Variants in ERC2 observed in about 807,000 individuals in gnomAD.
ERC2 encodes the protein ERC protein 2.
In ERC2, 42 loss-of-function variants were observed where a neutral mutation model predicts 114.8. That is an observed-to-expected ratio of 0.37 (90% CI 0.29 to 0.47). ERC2 has a LOEUF of 0.47. Ranked by LOEUF, ERC2 falls within the 20% of genes least tolerant of loss-of-function variation. The probability of loss-of-function intolerance (pLI) is 0.99; values close to 1 mark genes in which losing one functional copy is unlikely to be tolerated. For missense variants in ERC2, 939 were observed against 1,150.7 expected (o/e 0.82, Z 2.66); for synonymous variants, 454 against 425.5 (o/e 1.07, Z -0.82).
intron 2 of ERC2, among the ~76,000 whole-genome samples, chr3:56,366,577 T>C (rs891134518): frequency 1.1e-4 from 16 of 152,312 alleles, no homozygotes; most frequent in African/African-American, 3.8e-4. Context: ...TCTTTGGCTG[T>C]TTATTTTCCT....
chr3:56,419,482 A>G (rs2061303951), intron 2 of ERC2, among the ~76,000 whole-genome samples: 1 of 152,228 alleles, frequency 6.6e-6, no homozygotes, highest in South Asian at 2.1e-4. Context: ...CACCTCCAGT[A>G]TATTGTATCT....
At chr3:56,286,923 T>C (rs965987987) in intron 3 of ERC2, among the ~76,000 whole-genome samples, 2 of 152,340 alleles carry the variant, frequency 1.3e-5, no homozygotes, top group African/African-American at 2.4e-5. Context: ...TACAGAATTA[T>C]ATTTTTCCTT....
At chr3:55,692,936 A>G (rs890966103) in intron 16 of ERC2, among the ~76,000 whole-genome samples, 1 of 152,202 alleles carries the variant, frequency 6.6e-6, no homozygotes, top group Non-Finnish European at 1.5e-5. Context: ...TAACCAAGAA[A>G]TTTGATGGCT....
chr3:56,027,666 T>C (rs190192424), intron 7 of ERC2, among the ~76,000 whole-genome samples: 64 of 152,350 alleles, frequency 4.2e-4, no homozygotes, highest in African/African-American at 1.4e-3. Flanking sequence ...CTAAGTTTTT[T>C]GTTTTACTAT....
chr3:56,082,728 G>T (rs2149762411), intron 6 of ERC2, among the ~76,000 whole-genome samples: 1 of 152,190 alleles, frequency 6.6e-6, no homozygotes, highest in Middle Eastern at 3.4e-3. Flanking sequence ...TGGAACAGGG[G>T]TCCCCAACCC....
At chr3:56,338,982 T>C (rs1483274743) in intron 2 of ERC2, among the ~76,000 whole-genome samples, 1 of 151,940 alleles carries the variant, frequency 6.6e-6, no homozygotes, top group African/African-American at 2.4e-5. Flanking sequence ...GCATCAAGAG[T>C]AGCAAAGGCC....
chr3:55,969,152 C>G (rs1376964810), intron 12 of ERC2, among the ~76,000 whole-genome samples: 1 of 152,166 alleles, frequency 6.6e-6, no homozygotes, highest in Non-Finnish European at 1.5e-5. Context: ...GCTGTCTTAA[C>G]AGCCTGCAGC....
At chr3:56,366,497 A>G (rs2059155378) in intron 2 of ERC2, among the ~76,000 whole-genome samples, 2 of 152,166 alleles carry the variant, frequency 1.3e-5, no homozygotes, top group African/African-American at 4.8e-5. Flanking sequence ...GCAGGCTCTC[A>G]CAGGCTGTCA....
chr3:55,933,025 A>G (rs1020055002), intron 13 of ERC2, among the ~76,000 whole-genome samples: 2 of 152,202 alleles, frequency 1.3e-5, no homozygotes, highest in African/African-American at 4.8e-5. Flanking sequence ...CCTAGCCAAC[A>G]AGGTGAAACC....
intron 14 of ERC2, among the ~76,000 whole-genome samples, chr3:55,821,072 TA>T (rs111769682): frequency 3.3e-5 from 5 of 151,446 alleles, no homozygotes; most frequent in Non-Finnish European, 5.9e-5. Flanking sequence ...GAAGAAGGGG[TA>T]AAAAAAAGAA....
intron 3 of ERC2, among the ~76,000 whole-genome samples, chr3:56,276,473 A>C (rs1032167696): frequency 6.6e-6 from 1 of 151,508 alleles, no homozygotes; most frequent in African/African-American, 2.4e-5. Flanking sequence ...AAAAAAAAAA[A>C]AAAACAAACT....
At chr3:55,626,974 TG>T (rs1446761981) in intron 17 of ERC2, among the ~76,000 whole-genome samples, 2 of 152,238 alleles carry the variant, frequency 1.3e-5, no homozygotes, top group Non-Finnish European at 2.9e-5. Context: ...GCCTGGCCTG[TG>T]GGAATCATCC....
chr3:55,841,182 A>C (rs555943474), intron 14 of ERC2, among the ~76,000 whole-genome samples: 2 of 152,218 alleles, frequency 1.3e-5, no homozygotes, highest in Non-Finnish European at 2.9e-5. Context: ...TCTGGCTGAC[A>C]CGGTTTGGCT....
intron 14 of ERC2, among the ~76,000 whole-genome samples, chr3:55,887,409 G>C (rs140237285): frequency 2.0e-5 from 3 of 152,204 alleles, no homozygotes; most frequent in African/African-American, 7.2e-5. Context: ...CCATGTGTAA[G>C]GCTTGCTGGG....
chr3:55,531,456 C>A (rs1191834788), intron 17 of ERC2, among the ~76,000 whole-genome samples: 1 of 152,166 alleles, frequency 6.6e-6, no homozygotes, highest in African/African-American at 2.4e-5. Context: ...TGTGTTTGCT[C>A]AGCCCACTGT....
chr3:55,608,531 T>C (rs917522239), intron 17 of ERC2, among the ~76,000 whole-genome samples: 1 of 152,208 alleles, frequency 6.6e-6, no homozygotes, highest in Non-Finnish European at 1.5e-5. Flanking sequence ...GTTCCTATGA[T>C]GCCGCGATCA....
chr3:56,161,378 T>C (rs1427323153), intron 4 of ERC2, among the ~76,000 whole-genome samples: 4 of 152,216 alleles, frequency 2.6e-5, no homozygotes, highest in African/African-American at 4.8e-5. Flanking sequence ...CTTTGGCTAT[T>C]CAAGTTCTTT....
intron 3 of ERC2, among the ~76,000 whole-genome samples, chr3:56,267,527 T>C (rs966139952): frequency 1.3e-5 from 2 of 152,044 alleles, no homozygotes; most frequent in African/African-American, 4.8e-5. Flanking sequence ...ATCCCAGCAC[T>C]TTGGGAGGCC....
At chr3:55,613,982 C>CAAAA (rs60242810) in intron 17 of ERC2, among the ~76,000 whole-genome samples, 63 of 62,278 alleles carry the variant, frequency 1.0e-3, no homozygotes, top group African/African-American at 2.4e-3. Flanking sequence ...GACTTCCTCT[C>CAAAA]AAAAAAAAAA....
Sources: allele counts gnomAD v4.1 joint callset (sites outside exome capture counted in the v4.1 genomes callset), GRCh38; gene constraint gnomAD v4.1.1; transcripts MANE v1.5; gene names NCBI Gene and HGNC (gene_info 2026-07-23, HGNC 2026-07-21).